Variants in DHX40 observed in about 807,000 individuals in gnomAD.
DHX40 encodes the protein probable ATP-dependent RNA helicase DHX40.
A neutral mutation model predicts 89.6 loss-of-function variants in DHX40; 28 were observed. The ratio of observed to expected loss-of-function variants is 0.31; its 90% confidence interval spans 0.23 to 0.43. The LOEUF (loss-of-function observed/expected upper bound fraction) is 0.43. DHX40 is among the 20% of genes least tolerant of loss of function. The pLI, the probability that DHX40 is intolerant of heterozygous loss-of-function variation, is 1.00. For missense variants in DHX40, 457 were observed against 844.0 expected (o/e 0.54, Z 5.68); for synonymous variants, 226 against 283.6 (o/e 0.80, Z 2.04).
At chr17:59,570,687 GTTTCT>G in intron 3 of DHX40, 24 bp downstream of exon 3, 1 of 1,592,134 alleles carries the variant, frequency 6.3e-7, no homozygotes, top group South Asian at 1.1e-5. Context: ...GTTGGTATTT[GTTTCT>G]TTTCTTTTAT....
intron 12 of DHX40, among the ~76,000 whole-genome samples, chr17:59,592,139 G>A (rs1231143647): frequency 1.3e-5 from 2 of 151,526 alleles, no homozygotes; most frequent in East Asian, 3.9e-4. Flanking sequence ...CCAAAGTGCT[G>A]GGTTTACAGG....
chr17:59,575,651 TA>T (rs957375952), intron 7 of DHX40, 180 bp downstream of exon 7: 1 of 546,634 alleles, frequency 1.8e-6, no homozygotes, highest in African/African-American at 2.0e-5. Context: ...TCCTTGACAG[TA>T]GTGATTTTTG....
chr17:59,585,830 AAAAT>A (rs2048987073), intron 10 of DHX40, among the ~76,000 whole-genome samples: 2 of 145,660 alleles, frequency 1.4e-5, no homozygotes, highest in East Asian at 4.0e-4. Context: ...AGTTTGGAAA[AAAAT>A]TATGGACTGC....
At chr17:59,603,977 A>G (rs978132811) in intron 15 of DHX40, 1 of 152,234 alleles carries the variant, frequency 6.6e-6, no homozygotes, top group Non-Finnish European at 1.5e-5. Flanking sequence ...TGCCAAGATC[A>G]TGAAAGTCAA....
chr17:59,571,147 A>G (rs1270996345), intron 3 of DHX40, among the ~76,000 whole-genome samples: 2 of 152,168 alleles, frequency 1.3e-5, no homozygotes, highest in African/African-American at 4.8e-5. Context: ...TTGGTATACA[A>G]TTCAGTGCCA....
chr17:59,596,810 A>C (rs1000160867), intron 12 of DHX40, among the ~76,000 whole-genome samples: 1 of 152,174 alleles, frequency 6.6e-6, no homozygotes, highest in African/African-American at 2.4e-5. Context: ...TTCTTTAATC[A>C]AATTACTTTC....
At chr17:59,572,863 C>T (rs1287379203) in intron 3 of DHX40, among the ~76,000 whole-genome samples, 2 of 152,188 alleles carry the variant, frequency 1.3e-5, no homozygotes, top group Non-Finnish European at 2.9e-5. Flanking sequence ...TTTCCTCTGA[C>T]TTTATTGTAT....
At chr17:59,576,679 T>G (rs2048886058) in intron 7 of DHX40, among the ~76,000 whole-genome samples, 1 of 152,178 alleles carries the variant, frequency 6.6e-6, no homozygotes, top group South Asian at 2.1e-4. Flanking sequence ...CTCATTGTTT[T>G]CTCAAGATTT....
At chr17:59,588,194 C>T in intron 12 of DHX40, 141 bp downstream of exon 12, 1 of 567,382 alleles carries the variant, frequency 1.8e-6, no homozygotes, top group Non-Finnish European at 2.8e-6. Context: ...CCAGCCTTAC[C>T]AACATGGTAA....
intron 3 of DHX40, 146 bp from the exon 4 acceptor site, chr17:59,572,970 C>G: frequency 1.3e-6 from 1 of 773,922 alleles, no homozygotes; most frequent in Non-Finnish European, 2.0e-6. Flanking sequence ...AACTTACCAT[C>G]ATTTTGTATA....
intron 12 of DHX40, among the ~76,000 whole-genome samples, chr17:59,592,621 A>G (rs2049100569): frequency 6.8e-6 from 1 of 146,806 alleles, no homozygotes; most frequent in South Asian, 2.2e-4. Flanking sequence ...TCTGTCATCC[A>G]GGGTGGAGTG....
At chr17:59,570,192 T>C (rs1240624039) in intron 2 of DHX40, among the ~76,000 whole-genome samples, 2 of 118,700 alleles carry the variant, frequency 1.7e-5, no homozygotes, top group Non-Finnish European at 3.2e-5. Flanking sequence ...ATATAATATA[T>C]AATATATTAT....
chr17:59,600,923 T>C (rs2030474348), intron 14 of DHX40, among the ~76,000 whole-genome samples: 1 of 151,176 alleles, frequency 6.6e-6, no homozygotes, highest in Non-Finnish European at 1.5e-5. Flanking sequence ...ATTTACAATG[T>C]TGTGCAGCCC....
chr17:59,589,912 G>A (rs1463200189), intron 12 of DHX40, among the ~76,000 whole-genome samples: 1 of 150,528 alleles, frequency 6.6e-6, no homozygotes, highest in Admixed American at 6.6e-5. Flanking sequence ...GTAGAGATGG[G>A]GTTTCACCAT....
At chr17:59,588,229 A>AAAAAAACAAAAAAAAAC (rs1555593654) in intron 12 of DHX40, among the ~76,000 whole-genome samples, 176 bp downstream of exon 12, 15 of 139,184 alleles carry the variant, frequency 1.1e-4, no homozygotes, top group African/African-American at 4.4e-4. Context: ...TAAAAAAAAA[A>AAAAAAACAAAAAAAAAC]AAAAAAAAAA....
intron 2 of DHX40, among the ~76,000 whole-genome samples, chr17:59,569,984 C>T (rs1161469769): frequency 2.1e-5 from 3 of 142,400 alleles, no homozygotes; most frequent in African/African-American, 5.2e-5. Flanking sequence ...GCAGAGGTTG[C>T]GGTGAGCCGA....
intron 16 of DHX40, 38 bp downstream of exon 16, chr17:59,605,222 A>C (rs777948781): frequency 6.3e-7 from 1 of 1,583,076 alleles, no homozygotes; most frequent in Non-Finnish European, 8.7e-7. Context: ...AGAAATTTGT[A>C]AAGTTGTAGA....
intron 12 of DHX40, among the ~76,000 whole-genome samples, chr17:59,595,961 G>A (rs2143327997): frequency 6.6e-6 from 1 of 152,084 alleles, no homozygotes; most frequent in East Asian, 1.9e-4. Flanking sequence ...ATACAACTGA[G>A]TTTTTGCTTA....
At chr17:59,598,318 A>G (rs2030244672) in intron 12 of DHX40, among the ~76,000 whole-genome samples, 3 of 152,206 alleles carry the variant, frequency 2.0e-5, no homozygotes, top group Admixed American at 2.0e-4. Context: ...ACCTGGAAGG[A>G]CACACACTAA....
Sources: allele counts gnomAD v4.1 joint callset (sites outside exome capture counted in the v4.1 genomes callset), GRCh38; gene constraint gnomAD v4.1.1; transcripts MANE v1.5; gene names NCBI Gene and HGNC (gene_info 2026-07-23, HGNC 2026-07-21).